Variants in ARHGAP15 observed in about 807,000 individuals in gnomAD.
ARHGAP15 encodes Rho GTPase activating protein 15, also known as rho GTPase-activating protein 15.
A neutral mutation model predicts 63.7 loss-of-function variants in ARHGAP15; 51 were observed. That is an observed-to-expected ratio of 0.80 (90% CI 0.64 to 1.01). The LOEUF is 1.01. Ranked by LOEUF, ARHGAP15 falls within the 50% of genes least tolerant of loss-of-function variation. The probability of loss-of-function intolerance (pLI) is 0.00; values close to 1 mark genes in which losing one functional copy is unlikely to be tolerated. For synonymous variants in ARHGAP15, 191 were observed against 193.8 expected (o/e 0.99, Z 0.12); for missense variants, 560 against 564.6 (o/e 0.99, Z 0.08).
chr2:143,621,613 G>C (rs548849675), intron 11 of ARHGAP15, among the ~76,000 whole-genome samples: 1 of 152,224 alleles, frequency 6.6e-6, no homozygotes, highest in Non-Finnish European at 1.5e-5. Flanking sequence ...TTGCCGAAGG[G>C]CTACAAATTA....
intron 9 of ARHGAP15, among the ~76,000 whole-genome samples, chr2:143,515,801 C>G (rs1559022007): frequency 6.6e-6 from 1 of 152,232 alleles, no homozygotes; most frequent in Non-Finnish European, 1.5e-5. Context: ...TCTGCACACT[C>G]TCAAATAATT....
At chr2:143,358,064 G>T (rs1685881205) in intron 6 of ARHGAP15, among the ~76,000 whole-genome samples, 1 of 152,202 alleles carries the variant, frequency 6.6e-6, no homozygotes, top group South Asian at 2.1e-4. Context: ...GACTGAATGT[G>T]ATGTGTGCCT....
chr2:143,493,984 C>T (rs1366045193), intron 9 of ARHGAP15, among the ~76,000 whole-genome samples: 1 of 152,110 alleles, frequency 6.6e-6, no homozygotes, highest in African/African-American at 2.4e-5. Flanking sequence ...CTTTGAATTT[C>T]TCTCTCTCAG....
intron 9 of ARHGAP15, among the ~76,000 whole-genome samples, chr2:143,505,774 A>T (rs1693282655): frequency 1.3e-5 from 2 of 152,180 alleles, no homozygotes; most frequent in South Asian, 2.1e-4. Context: ...AGCACTTTTC[A>T]TCAAAGCCAC....
chr2:143,666,641 C>A (rs13011929), intron 12 of ARHGAP15, among the ~76,000 whole-genome samples: 47,559 of 85,358 alleles, frequency 0.56, 14,624 homozygotes, highest in Middle Eastern at 0.72. Context: ...CAACCTACAA[C>A]ATGGGAGAAA....
chr2:143,445,868 T>C (rs890307781), intron 8 of ARHGAP15, among the ~76,000 whole-genome samples: 7 of 152,152 alleles, frequency 4.6e-5, no homozygotes, highest in Non-Finnish European at 1.0e-4. Flanking sequence ...AACTCTGTAA[T>C]ATATAACAAA....
chr2:143,679,944 G>T (rs1683020447), intron 12 of ARHGAP15, among the ~76,000 whole-genome samples: 1 of 146,598 alleles, frequency 6.8e-6, no homozygotes, highest in Non-Finnish European at 1.5e-5. Flanking sequence ...GAGTTTTTAT[G>T]AGCATTGCTA....
At chr2:143,198,234 C>G (rs761927900) in intron 2 of ARHGAP15, among the ~76,000 whole-genome samples, 2 of 151,982 alleles carry the variant, frequency 1.3e-5, no homozygotes, top group African/African-American at 4.8e-5. Flanking sequence ...AATAAGTACT[C>G]AATATATGTT....
chr2:143,563,387 CAAAT>C (rs1574638499), intron 11 of ARHGAP15, among the ~76,000 whole-genome samples: 1 of 152,050 alleles, frequency 6.6e-6, no homozygotes, highest in Non-Finnish European at 1.5e-5. Context: ...GAAGAAAAAA[CAAAT>C]AAAACTTTGG....
At position 143,539,268 on chromosome 2, in the gene ARHGAP15, C is replaced by A. The variant is rs1238344911; in HGVS notation, c.926-17140C>A. Among the ~76,000 whole-genome samples the A allele has an allele frequency of 3.3e-5, 5 of 152,138 alleles. No homozygotes were observed. In the East Asian group the frequency reaches 5.8e-4, roughly 18 times the overall value. On this transcript the variant is annotated intron_variant, in intron 10 of 13. Coordinates refer to ENST00000295095, the MANE Select transcript of ARHGAP15 (RefSeq NM_018460.4). ...TATTGCGTCTATTTGATTCTTCTCT[C>A]TTTTCTTCTTTATTAGTCTTGCTAG...
intron 3 of ARHGAP15, among the ~76,000 whole-genome samples, chr2:143,208,129 T>C (rs1692414263): frequency 6.6e-6 from 1 of 152,196 alleles, no homozygotes. Context: ...TTTGGAGTTA[T>C]TATCCATCAT....
chr2:143,199,979 A>G lies in ARHGAP15; in HGVS notation c.166-2155A>G, dbSNP rs1692045110. Among the ~76,000 whole-genome samples, 5 of 152,258 alleles carry G rather than the reference A, an allele frequency of 3.3e-5. No homozygotes were observed. The South Asian group carries it at 1.0e-3, about 32-fold the overall frequency. On this transcript the variant is annotated intron_variant, in intron 2 of 13. Transcript: ENST00000295095. ...TGTCCCACTTTCCCTACCACGTCCA[A>G]TGGACAACAATGGAGCAAGAACTTG...
chr2:143,700,672 GAATA>G (rs1160744328), intron 12 of ARHGAP15, among the ~76,000 whole-genome samples: 1 of 133,972 alleles, frequency 7.5e-6, no homozygotes, highest in Non-Finnish European at 1.7e-5. Context: ...CCTCTTGAAT[GAATA>G]TATATATATG....
chr2:143,253,005 C>G (rs183453022), intron 6 of ARHGAP15, among the ~76,000 whole-genome samples: 1 of 152,082 alleles, frequency 6.6e-6, no homozygotes, highest in Non-Finnish European at 1.5e-5. Flanking sequence ...AGTGTTTCTT[C>G]CTGACTGAAA....
At chr2:143,383,334 C>T (rs1407285483) in intron 6 of ARHGAP15, among the ~76,000 whole-genome samples, 2 of 152,082 alleles carry the variant, frequency 1.3e-5, no homozygotes, top group East Asian at 1.9e-4. Flanking sequence ...TTTCTTGGCT[C>T]ACTTATATAA....
At chr2:143,249,407 A>T in intron 5 of ARHGAP15, among the ~76,000 whole-genome samples, 1 of 152,152 alleles carries the variant, frequency 6.6e-6, no homozygotes, top group Non-Finnish European at 1.5e-5. Context: ...AAACATGGAC[A>T]GAATATGTTT....
At chr2:143,664,645 G>C (rs1256324473) in intron 12 of ARHGAP15, among the ~76,000 whole-genome samples, 1 of 151,326 alleles carries the variant, frequency 6.6e-6, no homozygotes, top group East Asian at 1.9e-4. Flanking sequence ...TTTTTGAAAG[G>C]ATCAACAAAA....
At chr2:143,364,966 G>T (rs972667528) in intron 6 of ARHGAP15, among the ~76,000 whole-genome samples, 3 of 152,090 alleles carry the variant, frequency 2.0e-5, no homozygotes, top group Non-Finnish European at 4.4e-5. Context: ...AGACTGGGCC[G>T]CTGCACTCCA....
intron 11 of ARHGAP15, among the ~76,000 whole-genome samples, chr2:143,581,177 A>C (rs1285183221): frequency 6.6e-6 from 1 of 152,192 alleles, no homozygotes; most frequent in African/African-American, 2.4e-5. Flanking sequence ...AATTAGCTCC[A>C]CAAAAAGCCA....
Sources: gnomAD v4.1 joint callset for allele counts (sites outside exome capture counted in the v4.1 genomes callset) on GRCh38, gnomAD v4.1.1 for gene constraint, MANE v1.5 for transcripts, NCBI Gene and HGNC (gene_info 2026-07-23, HGNC 2026-07-21) for gene names.